DNAJA3: variants seen among roughly 807,000 people sequenced by gnomAD.
The protein encoded by DNAJA3 is DnaJ heat shock protein family (Hsp40) member A3.
Under a neutral mutation model 54.9 loss-of-function variants are expected in DNAJA3, and 29 were observed. The ratio of observed to expected loss-of-function variants is 0.53; its 90% confidence interval spans 0.39 to 0.72. DNAJA3 has a LOEUF of 0.72. Among genes scored for constraint, DNAJA3 ranks in the 30% least tolerant of loss-of-function variants. The pLI is 0.00. For missense variants in DNAJA3, 708 were observed against 639.4 expected, an observed-to-expected ratio of 1.11 and a Z score of -1.16; for synonymous variants, 302 against 251.4, an observed-to-expected ratio of 1.20 and a Z score of -1.90.
intron 7 of DNAJA3, among the ~76,000 whole-genome samples, chr16:4,446,599 C>T (rs1283269495): frequency 6.6e-6 from 1 of 152,004 alleles, no homozygotes; most frequent in Non-Finnish European, 1.5e-5. Flanking sequence ...TGTTTCCCTT[C>T]ACGATTGAAT....
At chr16:4,453,267 C>G (rs2056997497) in intron 10 of DNAJA3, among the ~76,000 whole-genome samples, 1 of 151,984 alleles carries the variant, frequency 6.6e-6, no homozygotes, top group Admixed American at 6.6e-5. Context: ...TGCTGAAAAC[C>G]TTAAGAGCTG....
chr16:4,441,133 G>A (rs933448653), intron 3 of DNAJA3: 14 of 547,990 alleles, frequency 2.6e-5, no homozygotes, highest in Admixed American at 1.1e-4. Context: ...CCCAGCATGC[G>A]CGACGGCGGG....
intron 10 of DNAJA3, among the ~76,000 whole-genome samples, chr16:4,454,474 T>TGG (rs1391844098): frequency 6.6e-6 from 1 of 152,210 alleles, no homozygotes; most frequent in Non-Finnish European, 1.5e-5. Flanking sequence ...TGGCCTGGCC[T>TGG]GGGAGGTGCC....
In DNAJA3 at chr16:4,448,841, G is replaced by C. The variant is rs944073725; in HGVS notation, c.1234G>C (p.Val412Leu). 6.2e-7 allele frequency: 1 copy of C among 1,613,222 alleles called. No individual in the cohort carries two copies. Among genetic ancestry groups the C allele is most frequent in the Non-Finnish European group, 8.5e-7 (1 of 1,179,570 alleles). Reference protein sequence around the residue: ...GDHYIHIKIRVPKRLTSRQQS... With the variant: ...GDHYIHIKIRLPKRLTSRQQS... Reference sequence around the variant, plus strand: ...CCACTACATCCACATCAAGATACGAGTTCCAAAGTAAGTGCCCCCTAGGCT... The same window carrying C: ...CCACTACATCCACATCAAGATACGACTTCCAAAGTAAGTGCCCCCTAGGCT... The change falls in exon 9 of 12, where the codon GTT becomes CTT. Residue 412 changes from valine to leucine, a missense_variant. Transcript: ENST00000262375.
chr16:4,439,086 C>G (rs2056808582), intron 3 of DNAJA3, among the ~76,000 whole-genome samples: 1 of 151,370 alleles, frequency 6.6e-6, no homozygotes, highest in African/African-American at 2.4e-5. Flanking sequence ...TCTATAATCC[C>G]TATAATCCCA....
intron 1 of DNAJA3, among the ~76,000 whole-genome samples, chr16:4,428,722 G>A (rs761080329): frequency 1.1e-4 from 16 of 152,074 alleles, no homozygotes; most frequent in Non-Finnish European, 2.1e-4. Flanking sequence ...ATCCTTCAGG[G>A]TACGTGCTGT....
intron 2 of DNAJA3, 35 bp downstream of exon 2, chr16:4,434,552 G>T: frequency 1.2e-6 from 2 of 1,602,692 alleles, no homozygotes; most frequent in Non-Finnish European, 1.7e-6. Context: ...TGACCAAATT[G>T]TAGTAGGAAT....
At position 4,429,663 on chromosome 16, in the gene DNAJA3, C is replaced by T. The variant is rs150775202; in HGVS notation, c.211+3571C>T. ...CAGCCTGATCAACATGGAGAAACCC[C>T]GTCTCTACAAAAAATACAAAATTAG... On this transcript the variant is annotated intron_variant, in intron 1 of 11. Transcript: ENST00000262375. 4.0e-3 allele frequency among the ~76,000 whole-genome samples: 602 copies of T among 152,174 alleles called. 2 individuals carry two copies. Among genetic ancestry groups the T allele is most frequent in the Admixed American group, 6.6e-3 (101 of 15,282 alleles).
chr16:4,430,124 C>G (rs1380513478), intron 1 of DNAJA3, among the ~76,000 whole-genome samples: 2 of 151,440 alleles, frequency 1.3e-5, no homozygotes, highest in Admixed American at 1.3e-4. Flanking sequence ...GCCTAGGCAA[C>G]ATAATGAGAC....
chr16:4,426,064 G>T lies in DNAJA3; in HGVS notation c.183G>T (p.Leu61=). The part of the protein sequence containing the change: ...SLTSCGPRAL[L]TLRPGVSLTG... The stretch of plus-strand genomic sequence containing the variant: ...CCTCTTGCGGCCCCCGAGCGCTGCT[G>T]ACATTGAGACCTGGTGTCAGCCTTA... Residue 61 remains leucine (L), a synonymous_variant, in exon 1 of 12, where the codon CTG becomes CTT. Coordinates refer to ENST00000262375, the MANE Select transcript of DNAJA3 (RefSeq NM_005147.6). 6.2e-7 allele frequency: 1 copy of T among 1,602,426 alleles called. No individual in the cohort carries two copies. Among genetic ancestry groups the T allele is most frequent in the South Asian group, 1.1e-5 (1 of 89,532 alleles).
At chr16:4,434,857 T>C (rs1032920852) in intron 2 of DNAJA3, among the ~76,000 whole-genome samples, 1 of 151,534 alleles carries the variant, frequency 6.6e-6, no homozygotes, top group Non-Finnish European at 1.5e-5. Flanking sequence ...GATAAAAGTT[T>C]AGAGGTTTAG....
chr16:4,426,357 C>T (rs748944094), intron 1 of DNAJA3, among the ~76,000 whole-genome samples: 36 of 152,226 alleles, frequency 2.4e-4, no homozygotes, highest in Non-Finnish European at 4.4e-4. Context: ...GTCAACATTT[C>T]TGGAGGCCGC....
At chr16:4,426,241 G>A (rs1326942266) in intron 1 of DNAJA3, 149 bp downstream of exon 1, 1 of 975,728 alleles carries the variant, frequency 1.0e-6, no homozygotes, top group African/African-American at 1.7e-5. Flanking sequence ...CAGGCAGGAG[G>A]CGGGGAGGCC....
intron 2 of DNAJA3, among the ~76,000 whole-genome samples, chr16:4,434,994 T>G: frequency 6.7e-6 from 1 of 149,856 alleles, no homozygotes; most frequent in East Asian, 1.9e-4. Context: ...CCTCCTGGGT[T>G]CAAGCAGTTC....
chr16:4,443,177 G>A lies in DNAJA3; in HGVS notation c.931+13G>A. On this transcript the variant is annotated intron_variant, in intron 6 of 11. Transcript: ENST00000262375. ...CCTGTGCCTGCAGGTGGGTGCTTGG[G>A]CCCGCCATGTCCAGGAGCTTGGAGA... 1.2e-6 allele frequency: 2 copies of A among 1,613,578 alleles called. No individual in the cohort carries two copies. Among genetic ancestry groups the A allele is most frequent in the Non-Finnish European group, 1.7e-6 (2 of 1,179,884 alleles).
At chr16:4,442,169 C>A (rs931610012) in intron 4 of DNAJA3, 99 bp from the exon 5 acceptor site, 1 of 1,287,498 alleles carries the variant, frequency 7.8e-7, no homozygotes, top group African/African-American at 1.5e-5. Flanking sequence ...GAAAGAGTGA[C>A]TGAAAATGTG....
chr16:4,445,424 A>G (rs1024597531), intron 7 of DNAJA3, among the ~76,000 whole-genome samples: 2 of 152,256 alleles, frequency 1.3e-5, no homozygotes, highest in Non-Finnish European at 2.9e-5. Context: ...GTGAGATGGC[A>G]TTATGTATTA....
At chr16:4,447,834 G>C (rs1402562523) in intron 8 of DNAJA3, 1 of 150,448 alleles carries the variant, frequency 6.6e-6, no homozygotes, top group African/African-American at 2.4e-5. Flanking sequence ...TTTTGAGATG[G>C]AGTCTCGCTT....
chr16:4,427,626 G>C (rs913671506), intron 1 of DNAJA3, among the ~76,000 whole-genome samples: 3 of 152,216 alleles, frequency 2.0e-5, no homozygotes, highest in African/African-American at 7.2e-5. Context: ...GGAGATGGCA[G>C]AGAACAAAGA....
Sources: allele counts gnomAD v4.1 joint callset (sites outside exome capture counted in the v4.1 genomes callset), GRCh38; gene constraint gnomAD v4.1.1; transcripts MANE v1.5; gene names NCBI Gene and HGNC (gene_info 2026-07-23, HGNC 2026-07-21).